PCDHGA1: variants seen among roughly 807,000 people sequenced by gnomAD.
PCDHGA1 encodes the protein protocadherin gamma-A1.
A neutral mutation model predicts 58.0 loss-of-function variants in PCDHGA1; 32 were observed. The ratio of observed to expected loss-of-function variants is 0.55; its 90% CI spans 0.42 to 0.74. PCDHGA1 has a LOEUF of 0.74. Ranked by LOEUF, PCDHGA1 falls within the 30% of genes least tolerant of loss-of-function variation. PCDHGA1 has a pLI of 0.00. For synonymous variants in PCDHGA1, 498 were observed against 501.1 expected, an observed-to-expected ratio of 0.99 and a Z score of 0.08; for missense variants, 1,205 against 1,182.3, an observed-to-expected ratio of 1.02 and a Z score of -0.28.
chr5:141,371,319 T>C (rs776468783), intron 1 of PCDHGA1: 27 of 1,613,954 alleles, frequency 1.7e-5, no homozygotes, highest in Non-Finnish European at 2.3e-5. Context: ...AGAACTGGAC[T>C]TTGAAGAGAG....
intron 2 of PCDHGA1, among the ~76,000 whole-genome samples, chr5:141,496,410 A>G (rs77823969): frequency 0.019 from 2,839 of 152,308 alleles, 40 homozygotes; most frequent in Middle Eastern, 0.082. Context: ...ATGGTTGAGT[A>G]CTTGCTGTCC....
chr5:141,511,084 C>G lies in PCDHGA1; in HGVS notation c.2707C>G (p.Leu903Val). 1 of 1,614,236 alleles carries G rather than the reference C, an allele frequency of 6.2e-7. No homozygotes were observed. Among genetic ancestry groups the G allele is most frequent in the Non-Finnish European group, 8.5e-7 (1 of 1,180,030 alleles). The change falls in exon 4 of 4, where the codon CTG becomes GTG. Residue 903 changes from leucine (L) to valine (V), a missense_variant. Leu to Val is a conservative substitution (Grantham distance 32). Coordinates refer to ENST00000517417, the MANE Select transcript of PCDHGA1 (RefSeq NM_018912.3). Reference sequence around the variant, plus strand: ...CTACATCCCAGGCAGCAATGCCACACTGACCAACGCAGCTGGCAAGCGGGA... The same window carrying G: ...CTACATCCCAGGCAGCAATGCCACAGTGACCAACGCAGCTGGCAAGCGGGA... ...NVYIPGSNAT[L>V]TNAAGKRDGK...
In PCDHGA1 at chr5:141,365,803, G is replaced by A. The variant is rs138451800; in HGVS notation, c.2421+32698G>A. On this transcript the variant is annotated intron_variant, in intron 1 of 3. Coordinates refer to ENST00000517417, the MANE Select transcript of PCDHGA1 (RefSeq NM_018912.3). ...ACAACGCTCGAGTCACCTACTCCCT[G>A]GCTGAAGACACATTTCAGGGGGCGC... 8,384 of 1,613,862 alleles carry A rather than the reference G, an allele frequency of 5.2e-3. 46 individuals are homozygous for A. Among genetic ancestry groups the A allele is most frequent in the Admixed American group, 9.4e-3 (566 of 60,014 alleles).
chr5:141,394,640 C>T (rs1316258017), intron 1 of PCDHGA1: 2 of 1,613,310 alleles, frequency 1.2e-6, no homozygotes, highest in Non-Finnish European at 1.7e-6. Flanking sequence ...ACCGCCTGCT[C>T]AAGGCCAGCG....
Position 141,432,394 on chromosome 5 carries a change from C to T in PCDHGA1, c.2422-62413C>T, listed in dbSNP as rs149830124. The T allele has an allele frequency of 1.7e-5, 27 of 1,614,260 alleles. No individual in the cohort carries two copies. The African/African-American group carries it at 2.7e-4, about 16-fold the overall frequency. On this transcript the variant is annotated intron_variant, in intron 1 of 3. Transcript: ENST00000517417. The surrounding 1 kb of genome is among the most constrained non-coding windows in gnomAD (Gnocchi z 6.0). ...ACGGGCACCCGCCCCTCAGCAGCAA[C>T]GTGTCGTTGAGCCTGTTCGTGCTGG...
chr5:141,375,588 C>A, intron 1 of PCDHGA1: 1 of 1,614,180 alleles, frequency 6.2e-7, no homozygotes, highest in Non-Finnish European at 8.5e-7. Context: ...GCGCCCCTGT[C>A]CTCCTACGTG....
chr5:141,343,703 A>C (rs1311646443), intron 1 of PCDHGA1: 2 of 214,302 alleles, frequency 9.3e-6, no homozygotes, highest in African/African-American at 4.6e-5. Context: ...ATCTCTGACA[A>C]GAAGGATTTC....
At position 141,364,968 on chromosome 5, in the gene PCDHGA1, C is replaced by T. The variant is rs368689829; in HGVS notation, c.2421+31863C>T. On this transcript the variant is annotated intron_variant, in intron 1 of 3. Transcript: ENST00000517417. ...GAGACTGTTCACGACCTCCTCCTCA[C>T]AGCTTTAGATGGCGGAGACCCGGTA... 166 of 1,613,836 alleles carry T rather than the reference C, an allele frequency of 1.0e-4. No homozygotes were observed. Among genetic ancestry groups the T allele is most frequent in the Non-Finnish European group, 1.4e-4 (162 of 1,179,906 alleles).
chr5:141,332,719 G>A lies in PCDHGA1; in HGVS notation c.2035G>A (p.Glu679Lys). The part of the protein sequence containing the change: ...SDILADLGSL[E>K]PSAKPNDSDL... ...CATCCTGGCCGACCTGGGCAGCCTCGAGCCCTCCGCCAAACCCAACGATTC... is the reference window on the plus strand; with the variant it reads ...CATCCTGGCCGACCTGGGCAGCCTCAAGCCCTCCGCCAAACCCAACGATTC... The change falls in exon 1 of 4, where the codon GAG becomes AAG. Residue 679 changes from glutamate (E) to lysine (K), a missense_variant. Glu to Lys is a moderately conservative substitution (Grantham distance 56). Coordinates refer to ENST00000517417, the MANE Select transcript of PCDHGA1 (RefSeq NM_018912.3). The surrounding 1 kb of genome is among the most constrained non-coding windows in gnomAD (Gnocchi z 4.6). 1.2e-6 allele frequency: 2 copies of A among 1,613,944 alleles called. No homozygotes were observed. Among genetic ancestry groups the A allele is most frequent in the Non-Finnish European group, 1.7e-6 (2 of 1,179,958 alleles).
At chr5:141,422,929 C>A (rs752323344) in intron 1 of PCDHGA1, 8 of 1,614,260 alleles carry the variant, frequency 5.0e-6, no homozygotes, top group Middle Eastern at 3.3e-4. Flanking sequence ...GTACCCTGCC[C>A]TCCCCACAGA....
chr5:141,409,188 C>T lies in PCDHGA1; in HGVS notation c.2421+76083C>T, dbSNP rs1487313582. ...GCGAAGGACGGAGGTGGTCTCTCTA[C>T]CCAGTGTAAAGTAATCATAGAAATC... On this transcript the variant is annotated intron_variant, in intron 1 of 3. Transcript: ENST00000517417. 9 of 1,613,880 alleles carry T rather than the reference C, an allele frequency of 5.6e-6. No homozygotes were observed. In the Admixed American group the frequency reaches 8.3e-5, roughly 15 times the overall value.
At chr5:141,398,041 G>A in intron 1 of PCDHGA1, 3 of 1,492,894 alleles carry the variant, frequency 2.0e-6, no homozygotes, top group Non-Finnish European at 2.7e-6. Context: ...ACTAAAGCCC[G>A]TTCGGAGATC....
At position 141,379,353 on chromosome 5, in the gene PCDHGA1, T is replaced by A. The variant is rs536207884; in HGVS notation, c.2421+46248T>A. The A allele has an allele frequency of 1.4e-4, 22 of 152,338 alleles. No individual in the cohort carries two copies. In the South Asian group the frequency reaches 4.6e-3, roughly 32 times the overall value. 9.4% of individuals were successfully genotyped at this position (152,338 alleles called of 1,614,324 possible). A position where few individuals can be genotyped will look rare whatever the true frequency, so the allele number is the denominator to read the frequency against. The stretch of plus-strand genomic sequence containing the variant: ...CATCTTCAAAGCTCATTTTCTTGTA[T>A]CTTTGTGATATAATTTGATAAAATA... On this transcript the variant is annotated intron_variant, in intron 1 of 3. Coordinates refer to ENST00000517417, the MANE Select transcript of PCDHGA1 (RefSeq NM_018912.3).
intron 1 of PCDHGA1, chr5:141,426,767 A>C (rs1219028777): frequency 2.2e-6 from 1 of 456,666 alleles, no homozygotes. Flanking sequence ...ATGCAGATGT[A>C]GGGCCTCACT....
At chr5:141,372,751 C>T (rs775212888) in intron 1 of PCDHGA1, 1 of 1,613,310 alleles carries the variant, frequency 6.2e-7, no homozygotes, top group Admixed American at 1.7e-5. Flanking sequence ...GATGAAGCCT[C>T]TTGGTTTGAA....
chr5:141,487,041 G>C lies in PCDHGA1; in HGVS notation c.2422-7766G>C, dbSNP rs149314216. On this transcript the variant is annotated intron_variant, in intron 1 of 3. Coordinates refer to ENST00000517417, the MANE Select transcript of PCDHGA1 (RefSeq NM_018912.3). The surrounding 1 kb of genome is among the most constrained non-coding windows in gnomAD (Gnocchi z 5.0). ...GATCCCAGCCTGTTTGCAGTCTCTC[G>C]ATATGCTGGGGAGGTGCGGACGGCT... 2.5e-6 allele frequency: 4 copies of C among 1,614,018 alleles called. No homozygotes were observed. Among genetic ancestry groups the C allele is most frequent in the South Asian group, 2.2e-5 (2 of 91,084 alleles).
intron 1 of PCDHGA1, chr5:141,366,010 T>C (rs1764260638): frequency 1.2e-6 from 2 of 1,614,114 alleles, no homozygotes; most frequent in Non-Finnish European, 1.7e-6. Flanking sequence ...ACAATACGCC[T>C]GAGATCCTGT....
chr5:141,421,312 GC>G, intron 1 of PCDHGA1: 1 of 1,613,748 alleles, frequency 6.2e-7, no homozygotes, highest in Non-Finnish European at 8.5e-7. Flanking sequence ...GGGGTTCCGG[GC>G]CAGGCAGATC....
At chr5:141,373,796 CCT>C (rs1278238672) in intron 1 of PCDHGA1, 9 of 310,398 alleles carry the variant, frequency 2.9e-5, no homozygotes, top group African/African-American at 1.3e-4. Flanking sequence ...GAAATAAAAT[CCT>C]CTGTGTGATA....
Sources: gnomAD v4.1 joint callset for allele counts (sites outside exome capture counted in the v4.1 genomes callset) on GRCh38, gnomAD v4.1.1 for gene constraint, Gnocchi (gnomAD v3.1) non-coding constraint, MANE v1.5 for transcripts, NCBI Gene and HGNC (gene_info 2026-07-23, HGNC 2026-07-21) for gene names.